The following ALPK1 variants were observed in gnomAD, a reference collection of about 807,000 sequenced individuals.
ALPK1 encodes alpha kinase 1.
ALPK1 carries 110 observed loss-of-function variants against 120.6 expected under a neutral mutation model. The ratio of observed to expected loss-of-function variants is 0.91; its 90% confidence interval spans 0.78 to 1.07. The LOEUF is 1.07. Ranked by LOEUF, ALPK1 falls within the 50% of genes least tolerant of loss-of-function variation. The pLI is 0.00. For synonymous variants in ALPK1, 582 were observed against 560.3 expected (o/e 1.04, Z -0.55); for missense variants, 1,498 against 1,483.9 (o/e 1.01, Z -0.16).
intron 2 of ALPK1, among the ~76,000 whole-genome samples, chr4:112,338,220 GC>G (rs1329932821): frequency 6.6e-6 from 1 of 152,202 alleles, no homozygotes; most frequent in African/African-American, 2.4e-5. Context: ...ACCCACTTTG[GC>G]CTCCCCAAGT....
chr4:112,314,241 G>A (rs1298240499), intron 1 of ALPK1, among the ~76,000 whole-genome samples: 3 of 152,224 alleles, frequency 2.0e-5, no homozygotes, highest in Non-Finnish European at 2.9e-5. Flanking sequence ...TGATGAGGAT[G>A]AGGATGGAGG....
At chr4:112,352,118 T>A (rs1048481032) in intron 2 of ALPK1, among the ~76,000 whole-genome samples, 1 of 152,216 alleles carries the variant, frequency 6.6e-6, no homozygotes, top group Non-Finnish European at 1.5e-5. Flanking sequence ...GTAAATGATA[T>A]TCATTACCAA....
intron 2 of ALPK1, among the ~76,000 whole-genome samples, chr4:112,336,905 ACTTATT>A (rs1371728696): frequency 6.6e-6 from 1 of 152,182 alleles, no homozygotes; most frequent in African/African-American, 2.4e-5. Flanking sequence ...AAATTTTTCC[ACTTATT>A]CTTAACTAGA....
intron 3 of ALPK1, 109 bp downstream of exon 3, chr4:112,378,007 T>TAAGGC: frequency 8.8e-7 from 1 of 1,135,306 alleles, no homozygotes; most frequent in Non-Finnish European, 1.1e-6. Context: ...TCTTGGCAGA[T>TAAGGC]GACCACCGAG....
rs1000343517 is a variant in ALPK1, at chr4:112,439,554, A to G, written c.3352-132A>G. On this transcript the variant is annotated intron_variant, in intron 13 of 15. Transcript: ENST00000650871. The stretch of plus-strand genomic sequence containing the variant: ...CTAAAAGGTAGTTATAATTATACCT[A>G]CTTTACCCATGATGAAATTGAAGCT... 3 of 651,868 alleles carry G rather than the reference A, an allele frequency of 4.6e-6. No individual in the cohort carries two copies. In the South Asian group the frequency reaches 8.3e-5, roughly 18 times the overall value. 40.4% of individuals were successfully genotyped at this position (651,868 alleles called of 1,614,324 possible).
At chr4:112,320,432 T>C (rs746634086) in intron 2 of ALPK1, among the ~76,000 whole-genome samples, 1 of 152,348 alleles carries the variant, frequency 6.6e-6, no homozygotes, top group Admixed American at 6.5e-5. Context: ...TATATGCTGT[T>C]GAATTCTGTT....
At chr4:112,420,022 C>G (rs576064433) in intron 5 of ALPK1, among the ~76,000 whole-genome samples, 1 of 152,276 alleles carries the variant, frequency 6.6e-6, no homozygotes, top group Admixed American at 6.5e-5. Flanking sequence ...ATCTCCAGCT[C>G]TTAGCACAGT....
intron 4 of ALPK1, among the ~76,000 whole-genome samples, chr4:112,401,582 T>G (rs557195699): frequency 3.9e-4 from 59 of 152,228 alleles, no homozygotes; most frequent in African/African-American, 1.4e-3. Flanking sequence ...GAATCATCAA[T>G]GTGGATGCTG....
chr4:112,364,195 A>G (rs765011600), intron 2 of ALPK1, among the ~76,000 whole-genome samples: 9 of 152,016 alleles, frequency 5.9e-5, no homozygotes, highest in Non-Finnish European at 4.4e-5. Flanking sequence ...AGCATTAGAA[A>G]AGAAATAACA....
chr4:112,377,622 C>T, intron 2 of ALPK1, 56 bp from the exon 3 acceptor site: 1 of 685,292 alleles, frequency 1.5e-6, no homozygotes, highest in Non-Finnish European at 2.3e-6. Context: ...GCTTGAGTCT[C>T]ACAGATAATT....
chr4:112,301,799 T>C (rs940850399), intron 1 of ALPK1, among the ~76,000 whole-genome samples: 24 of 152,136 alleles, frequency 1.6e-4, no homozygotes, highest in African/African-American at 5.3e-4. Context: ...CAGGCTGGAG[T>C]GCAGTGATGT....
chr4:112,313,229 G>T (rs147944644), intron 1 of ALPK1, among the ~76,000 whole-genome samples: 46 of 152,318 alleles, frequency 3.0e-4, no homozygotes, highest in Non-Finnish European at 4.6e-4. Context: ...GATGGAGAAA[G>T]GAAGATAGTT....
chr4:112,321,611 C>G (rs1265520134), intron 2 of ALPK1, among the ~76,000 whole-genome samples: 2 of 152,182 alleles, frequency 1.3e-5, no homozygotes, highest in Non-Finnish European at 2.9e-5. Flanking sequence ...ACCCAACAAT[C>G]ATTCAGGAGC....
intron 5 of ALPK1, among the ~76,000 whole-genome samples, chr4:112,413,407 C>T (rs185367357): frequency 7.0e-4 from 106 of 152,228 alleles, no homozygotes; most frequent in African/African-American, 2.5e-3. Context: ...ACTGGTCTTT[C>T]AGGTTTCCAT....
intron 2 of ALPK1, chr4:112,356,241 G>A: frequency 6.7e-7 from 1 of 1,500,142 alleles, no homozygotes; most frequent in Non-Finnish European, 9.3e-7. Flanking sequence ...CAGATGAATG[G>A]CATCCTGGAG....
intron 1 of ALPK1, among the ~76,000 whole-genome samples, chr4:112,304,672 T>G (rs1318369519): frequency 2.0e-5 from 3 of 152,148 alleles, no homozygotes; most frequent in African/African-American, 7.3e-5. Flanking sequence ...ATAAGTAGAT[T>G]GCAAAAATTT....
At chr4:112,360,062 C>A (rs1470398589) in intron 2 of ALPK1, among the ~76,000 whole-genome samples, 1 of 152,300 alleles carries the variant, frequency 6.6e-6, no homozygotes, top group Non-Finnish European at 1.5e-5. Flanking sequence ...CTTTGACCAA[C>A]TTCTCCCCAG....
intron 4 of ALPK1, among the ~76,000 whole-genome samples, chr4:112,410,636 A>C (rs1434216709): frequency 6.6e-6 from 1 of 152,224 alleles, no homozygotes; most frequent in Non-Finnish European, 1.5e-5. Context: ...TTAGCATAGG[A>C]AGATAATAGT....
At chr4:112,439,897 T>TC in intron 14 of ALPK1, 25 bp downstream of exon 14, 1 of 1,525,532 alleles carries the variant, frequency 6.6e-7, no homozygotes, top group Non-Finnish European at 8.8e-7. Context: ...GAATTATTTT[T>TC]ATTTTTAATA....
Sources: allele counts gnomAD v4.1 joint callset (sites outside exome capture counted in the v4.1 genomes callset), GRCh38; gene constraint gnomAD v4.1.1; transcripts MANE v1.5; gene names NCBI Gene and HGNC (gene_info 2026-07-23, HGNC 2026-07-21).